The following KIAA1549L variants were observed in gnomAD, a reference collection of about 807,000 sequenced individuals.
KIAA1549L encodes UPF0606 protein KIAA1549L.
In KIAA1549L, 88 loss-of-function variants were observed where a neutral mutation model predicts 160.7. The observed-to-expected ratio is 0.55, with a 90% confidence interval of 0.46 to 0.65. The LOEUF is 0.65. KIAA1549L is among the 30% of genes least tolerant of loss of function. KIAA1549L has a pLI of 0.00. For missense variants in KIAA1549L, 2,258 were observed against 2,437.5 expected, an observed-to-expected ratio of 0.93 and a Z score of 1.55; for synonymous variants, 950 against 976.7, an observed-to-expected ratio of 0.97 and a Z score of 0.51.
At chr11:33,459,710 C>A (rs1851900080) in intron 1 of KIAA1549L, among the ~76,000 whole-genome samples, 1 of 151,752 alleles carries the variant, frequency 6.6e-6, no homozygotes, top group African/African-American at 2.4e-5. Context: ...GCCTGTAATC[C>A]CAGCACTTTG....
At chr11:33,424,066 G>A (rs1851071164) in intron 1 of KIAA1549L, among the ~76,000 whole-genome samples, 1 of 152,124 alleles carries the variant, frequency 6.6e-6, no homozygotes, top group South Asian at 2.1e-4. Context: ...TGTAACAGAG[G>A]ATGAAACATG....
At chr11:33,552,518 G>A (rs765716258) in intron 6 of KIAA1549L, among the ~76,000 whole-genome samples, 2 of 152,060 alleles carry the variant, frequency 1.3e-5, no homozygotes, top group Non-Finnish European at 2.9e-5. Flanking sequence ...GAACTAGGCT[G>A]TACTGTATAT....
intron 1 of KIAA1549L, among the ~76,000 whole-genome samples, chr11:33,410,797 T>G (rs1166113274): frequency 6.6e-6 from 1 of 152,212 alleles, no homozygotes; most frequent in East Asian, 1.9e-4. Context: ...GGGAACAGCA[T>G]GAGCAAAACT....
At chr11:33,588,102 A>G (rs1320752903) in intron 11 of KIAA1549L, among the ~76,000 whole-genome samples, 1 of 152,218 alleles carries the variant, frequency 6.6e-6, no homozygotes, top group Admixed American at 6.5e-5. Context: ...TAAACTGGGA[A>G]CTCATGATAA....
chr11:33,544,482 G>GC (rs1854165060), intron 2 of KIAA1549L, 146 bp downstream of exon 2: 1 of 865,784 alleles, frequency 1.2e-6, no homozygotes, highest in African/African-American at 1.7e-5. Context: ...TGAGTTAGTA[G>GC]CCCCAAGTAG....
rs58439063 is a variant in KIAA1549L at position 33,408,510 on chromosome 11, T to TATATATATATAC, written c.238+31622_238+31623insTATATATATACA. ...ATGTGTATATATATATATATATATA[T>TATATATATATAC]ACACATGTATATATGTATACAGAAA... On this transcript the variant is annotated intron_variant, in intron 1 of 20. Coordinates refer to ENST00000658780, the MANE Select transcript of KIAA1549L (RefSeq NM_012194.3). Among the ~76,000 whole-genome samples, 660 of 146,046 alleles carry TATATATATATAC rather than the reference T, an allele frequency of 4.5e-3. 7 individuals are homozygous for TATATATATATAC. The highest frequency in any genetic ancestry group is 0.014 in the African/African-American group (531 of 39,094).
rs1342592454 is a variant in KIAA1549L, at chr11:33,668,315, C to T, written c.*161C>T. 1.5e-6 allele frequency: 1 copy of T among 685,832 alleles called. No homozygotes were observed. The highest frequency in any genetic ancestry group is 2.4e-6 in the Non-Finnish European group (1 of 414,940). 42.5% of individuals were successfully genotyped at this position (685,832 alleles called of 1,614,324 possible). A position where few individuals can be genotyped will look rare whatever the true frequency, so the allele number is the denominator to read the frequency against. ...ATGGGGCTTCTGGGAACAGGAAACT[C>T]TTGAACGACTAGATTCTTGGCTCAT... On this transcript the variant is annotated 3_prime_UTR_variant, in exon 21 of 21. Transcript: ENST00000658780.
chr11:33,597,301 C>A (rs1850226281), intron 12 of KIAA1549L, among the ~76,000 whole-genome samples: 1 of 152,166 alleles, frequency 6.6e-6, no homozygotes, highest in Middle Eastern at 3.2e-3. Flanking sequence ...ATAGATATCC[C>A]AACTTTGATT....
chr11:33,507,125 T>C (rs977496544), intron 1 of KIAA1549L, among the ~76,000 whole-genome samples: 3 of 152,214 alleles, frequency 2.0e-5, no homozygotes, highest in African/African-American at 7.2e-5. Context: ...TGGGTTTTAT[T>C]GAATCGTGAC....
intron 1 of KIAA1549L, among the ~76,000 whole-genome samples, chr11:33,509,403 G>A (rs964876297): frequency 5.9e-5 from 9 of 152,126 alleles, no homozygotes; most frequent in African/African-American, 2.2e-4. Flanking sequence ...GTGGTAATGG[G>A]ACCATATCAC....
intron 4 of KIAA1549L, among the ~76,000 whole-genome samples, chr11:33,548,364 A>G (rs1590332510): frequency 6.6e-6 from 1 of 152,132 alleles, no homozygotes; most frequent in Admixed American, 6.5e-5. Flanking sequence ...ATGCCGCTGC[A>G]CTCCAGCCTG....
chr11:33,408,781 C>CAAAAAAAAA (rs71034683), intron 1 of KIAA1549L, among the ~76,000 whole-genome samples: 1 of 115,310 alleles, frequency 8.7e-6, no homozygotes, highest in Non-Finnish European at 1.7e-5. Flanking sequence ...ACTAAAAATA[C>CAAAAAAAAA]AAAAAAAAAA....
At chr11:33,455,586 G>T (rs1243911207) in intron 1 of KIAA1549L, among the ~76,000 whole-genome samples, 1 of 152,148 alleles carries the variant, frequency 6.6e-6, no homozygotes, top group African/African-American at 2.4e-5. Flanking sequence ...TTCCAGTTAG[G>T]TTTGGTTCCA....
intron 1 of KIAA1549L, among the ~76,000 whole-genome samples, chr11:33,498,556 C>T (rs1215205149): frequency 6.6e-6 from 1 of 152,152 alleles, no homozygotes; most frequent in African/African-American, 2.4e-5. Flanking sequence ...GCATGGAGGT[C>T]TCAGGGTAGT....
intron 1 of KIAA1549L, among the ~76,000 whole-genome samples, chr11:33,396,583 T>TAA (rs1850377356): frequency 6.6e-6 from 1 of 152,118 alleles, no homozygotes; most frequent in African/African-American, 2.4e-5. Context: ...CTAAAGTAGG[T>TAA]AGAGTGAAGG....
intron 11 of KIAA1549L, among the ~76,000 whole-genome samples, chr11:33,590,983 C>T (rs2133286629): frequency 6.6e-6 from 1 of 152,250 alleles, no homozygotes; most frequent in Non-Finnish European, 1.5e-5. Context: ...ATCTTAAACA[C>T]CTGTTTACAT....
intron 1 of KIAA1549L, among the ~76,000 whole-genome samples, chr11:33,466,465 A>G (rs946112580): frequency 2.0e-5 from 3 of 152,222 alleles, no homozygotes; most frequent in African/African-American, 7.2e-5. Flanking sequence ...AAGTCAGGAA[A>G]TAACAGACGC....
intron 1 of KIAA1549L, among the ~76,000 whole-genome samples, chr11:33,457,072 C>T (rs1476225777): frequency 6.6e-6 from 1 of 152,186 alleles, no homozygotes; most frequent in East Asian, 1.9e-4. Flanking sequence ...GTGGCAGATG[C>T]ACAGTTACCG....
intron 15 of KIAA1549L, among the ~76,000 whole-genome samples, chr11:33,614,571 TATATATATA>T (rs1564924902): frequency 1.5e-4 from 3 of 20,650 alleles, no homozygotes; most frequent in African/African-American, 4.1e-4. Context: ...TATATATATA[TATATATATA>T]TATATTTTTT....
Sources: gnomAD v4.1 joint callset for allele counts (sites outside exome capture counted in the v4.1 genomes callset) on GRCh38, gnomAD v4.1.1 for gene constraint, MANE v1.5 for transcripts, NCBI Gene and HGNC (gene_info 2026-07-23, HGNC 2026-07-21) for gene names.